EML6: variants seen among roughly 807,000 people sequenced by gnomAD.
EML6 encodes EMAP like 6.
In EML6, 154 loss-of-function variants were observed where a neutral mutation model predicts 240.1. The observed-to-expected ratio is 0.64, with a 90% CI of 0.56 to 0.73. EML6 has a LOEUF of 0.73. Ranked by LOEUF, EML6 falls within the 30% of genes least tolerant of loss-of-function variation. The probability of loss-of-function intolerance (pLI) is 0.00; values close to 1 mark genes in which losing one functional copy is unlikely to be tolerated. For synonymous variants in EML6, 1,148 were observed against 899.0 expected (o/e 1.28, Z -4.95); for missense variants, 2,964 against 2,474.6 (o/e 1.20, Z -4.20).
chr2:54,956,402 G>GTTGT (rs113306095), intron 32 of EML6, among the ~76,000 whole-genome samples: 89,930 of 151,424 alleles, frequency 0.59, 29,347 homozygotes, highest in Non-Finnish European at 0.74. Flanking sequence ...GAGTGGGAGG[G>GTTGT]TTGTCTTTTA....
At chr2:54,829,588 T>C (rs1171897799) in intron 7 of EML6, 111 bp downstream of exon 7, 84 of 766,118 alleles carry the variant, frequency 1.1e-4, no homozygotes, top group Non-Finnish European at 1.6e-4. Flanking sequence ...TTTATATAAA[T>C]ATATTGAATA....
chr2:54,778,339 A>G (rs1415660650), intron 2 of EML6, among the ~76,000 whole-genome samples: 1 of 152,298 alleles, frequency 6.6e-6, no homozygotes, highest in East Asian at 1.9e-4. Context: ...ATATAGAAAG[A>G]GAAGGAGGAA....
chr2:54,902,539 C>T (rs908105495), intron 22 of EML6, among the ~76,000 whole-genome samples: 1 of 152,020 alleles, frequency 6.6e-6, no homozygotes, highest in Non-Finnish European at 1.5e-5. Flanking sequence ...GTTGGAATTA[C>T]AGGCATGTGC....
chr2:54,800,940 G>T (rs1017425315), intron 2 of EML6, among the ~76,000 whole-genome samples: 2 of 152,082 alleles, frequency 1.3e-5, no homozygotes, highest in African/African-American at 2.4e-5. Context: ...TTCATTAGGG[G>T]TCAAGGAGCT....
At chr2:54,825,724 C>G (rs755248000) in intron 5 of EML6, among the ~76,000 whole-genome samples, 1 of 152,120 alleles carries the variant, frequency 6.6e-6, no homozygotes, top group Non-Finnish European at 1.5e-5. Flanking sequence ...TTCCTTAACC[C>G]CCTGCCACGC....
intron 17 of EML6, 191 bp downstream of exon 17, chr2:54,879,831 T>C (rs1671722956): frequency 3.5e-6 from 2 of 572,556 alleles, no homozygotes; most frequent in Non-Finnish European, 6.2e-6. Flanking sequence ...TCATGTTTGT[T>C]GCGGTGAATC....
rs368628137 is a variant in EML6, at chr2:54,970,277, C to T, written c.*182C>T. On this transcript the variant is annotated 3_prime_UTR_variant, in exon 42 of 42. Transcript: ENST00000356458. ...TCCCATAATCTGGACTCTCCAAAAC[C>T]GTGATGCCACGAAGGAAGGTCAAGT... 4.6e-5 allele frequency: 29 copies of T among 635,706 alleles called. No homozygotes were observed. The highest frequency in any genetic ancestry group is 1.7e-4 in the South Asian group (9 of 53,976). The allele number at this position is 635,706 out of a possible 1,614,324, so 39.4% of individuals were successfully genotyped here. A position where few individuals can be genotyped will look rare whatever the true frequency, so the allele number is the denominator to read the frequency against.
chr2:54,802,926 T>C (rs1225124238), intron 2 of EML6, among the ~76,000 whole-genome samples: 1 of 152,138 alleles, frequency 6.6e-6, no homozygotes, highest in Non-Finnish European at 1.5e-5. Context: ...AGTGACTGAA[T>C]CCAAACTGCG....
At chr2:54,868,883 C>T in intron 14 of EML6, 1 of 297,452 alleles carries the variant, frequency 3.4e-6, no homozygotes, top group Non-Finnish European at 6.2e-6. Flanking sequence ...GAAAGGAATA[C>T]CTGTGCCTCA....
In EML6 at chr2:54,853,731, T is replaced by G; in HGVS notation, c.1533T>G (p.Ile511Met). Residue 511 changes from isoleucine (I) to methionine (M), a missense_variant, in exon 11 of 42, where the codon ATT becomes ATG. By Grantham distance (10) the Ile-to-Met change is conservative. Coordinates refer to ENST00000356458, the MANE Select transcript of EML6 (RefSeq NM_001039753.4). ...TGAAAGGCCCTGAAGTGAGTGGAAT[T>G]TGGCCCAAATACACTGAGGTTACTG... is the stretch of plus-strand genomic sequence containing the variant. ...TCVKGPEVSG[I>M]WPKYTEVTDI... The G allele has an allele frequency of 1.3e-6, 2 of 1,551,628 alleles. No homozygotes were observed.
At chr2:54,871,660 G>T in intron 16 of EML6, 55 bp downstream of exon 16, 1 of 1,271,722 alleles carries the variant, frequency 7.9e-7, no homozygotes, top group Non-Finnish European at 1.1e-6. Context: ...GAGAGACACA[G>T]AGAGAGTATG....
chr2:54,898,670 C>A (rs1017230004), intron 21 of EML6, among the ~76,000 whole-genome samples: 1 of 152,200 alleles, frequency 6.6e-6, no homozygotes, highest in Non-Finnish European at 1.5e-5. Flanking sequence ...TGGAAAGCCA[C>A]CTGTTCCCCA....
chr2:54,892,815 C>G lies in EML6; in HGVS notation c.2742+159C>G, dbSNP rs146924490. Reference sequence around the variant, plus strand: ...AGTCAAGAGACAATAGGGAGGAAAGCAAAGATATTTTTATAATTTCGTTTA... The same window carrying G: ...AGTCAAGAGACAATAGGGAGGAAAGGAAAGATATTTTTATAATTTCGTTTA... On this transcript the variant is annotated intron_variant, in intron 19 of 41. Coordinates refer to ENST00000356458, the MANE Select transcript of EML6 (RefSeq NM_001039753.4). Among the ~76,000 whole-genome samples, 63 of 152,270 alleles carry G rather than the reference C, an allele frequency of 4.1e-4. 3 individuals are homozygous for G. In the East Asian group the frequency reaches 8.9e-3, roughly 21 times the overall value.
At chr2:54,925,230 G>A (rs1376500732) in intron 26 of EML6, among the ~76,000 whole-genome samples, 1 of 152,184 alleles carries the variant, frequency 6.6e-6, no homozygotes, top group Admixed American at 6.5e-5. Flanking sequence ...ACAGTGAGAA[G>A]GCAGCTATCT....
intron 28 of EML6, among the ~76,000 whole-genome samples, chr2:54,938,471 C>A (rs1014760511): frequency 3.3e-5 from 5 of 152,168 alleles, no homozygotes; most frequent in African/African-American, 7.2e-5. Context: ...TGGCATTTTT[C>A]CAAGCACAAG....
intron 2 of EML6, among the ~76,000 whole-genome samples, chr2:54,809,877 A>G (rs1667743573): frequency 6.6e-6 from 1 of 152,132 alleles, no homozygotes; most frequent in Admixed American, 6.6e-5. Flanking sequence ...TGGATGAGAC[A>G]TGGATGCCAT....
At chr2:54,849,841 C>G (rs1006241406) in intron 9 of EML6, 121 bp from the exon 10 acceptor site, 1 of 775,282 alleles carries the variant, frequency 1.3e-6, no homozygotes, top group Non-Finnish European at 2.0e-6. Context: ...AAAGTTAATC[C>G]TTTAATTCCT....
Position 54,725,296 on chromosome 2 carries a change from T to G in EML6, c.197+38T>G. 1 of 1,369,164 alleles carries G rather than the reference T, an allele frequency of 7.3e-7. No individual in the cohort carries two copies. Among genetic ancestry groups the G allele is most frequent in the Non-Finnish European group, 9.6e-7 (1 of 1,043,324 alleles). The allele number at this position is 1,369,164 out of a possible 1,614,324, so 84.8% of individuals were successfully genotyped here. On this transcript the variant is annotated intron_variant, in intron 2 of 41. Transcript: ENST00000356458. The surrounding 1 kb of genome is among the most constrained non-coding windows in gnomAD (Gnocchi z 4.3). ...CCAGGGGCGGCGGGGAGGGGTTGCG[T>G]GTGGAGGCTGGGAAGGTGGGAAGCG...
intron 10 of EML6, among the ~76,000 whole-genome samples, chr2:54,853,140 A>C (rs1412703110): frequency 1.3e-5 from 2 of 152,290 alleles, no homozygotes; most frequent in East Asian, 3.9e-4. Flanking sequence ...TTAAATTATG[A>C]AAAATAGAAG....
Sources: allele counts gnomAD v4.1 joint callset (sites outside exome capture counted in the v4.1 genomes callset), GRCh38; gene constraint gnomAD v4.1.1; non-coding constraint Gnocchi (gnomAD v3.1); transcripts MANE v1.5; gene names NCBI Gene and HGNC (gene_info 2026-07-23, HGNC 2026-07-21).